Variants in DZIP3 observed in about 807,000 individuals in gnomAD.
DZIP3 encodes the protein E3 ubiquitin-protein ligase DZIP3.
Under a neutral mutation model 162.0 loss-of-function variants are expected in DZIP3, and 118 were observed. The observed-to-expected ratio is 0.73, with a 90% confidence interval of 0.63 to 0.85. The LOEUF is 0.85. DZIP3 is among the 40% of genes least tolerant of loss of function. The probability of loss-of-function intolerance (pLI) is 0.00; values close to 1 mark genes in which losing one functional copy is unlikely to be tolerated. For synonymous variants in DZIP3, 438 were observed against 458.6 expected (o/e 0.96, Z 0.57); for missense variants, 1,331 against 1,407.0 (o/e 0.95, Z 0.86).
At chr3:108,636,043 AAGAATTAAC>A (rs1942133241) in intron 10 of DZIP3, among the ~76,000 whole-genome samples, 2 of 151,916 alleles carry the variant, frequency 1.3e-5, no homozygotes, top group Admixed American at 1.3e-4. Flanking sequence ...GGGTTTTTGT[AAGAATTAAC>A]AGATAAAACA....
At chr3:108,644,944 G>A (rs1559753655) in intron 14 of DZIP3, among the ~76,000 whole-genome samples, 163 bp downstream of exon 14, 1 of 152,106 alleles carries the variant, frequency 6.6e-6, no homozygotes. Flanking sequence ...GATGTTTCCA[G>A]AATACCATGG....
At position 108,644,607 on chromosome 3, in the gene DZIP3, A is replaced by G. The variant is rs186316383; in HGVS notation, c.1585A>G (p.Ile529Val). The change falls in exon 14 of 33, where the codon ATT becomes GTT. Residue 529 changes from isoleucine (I) to valine (V), a missense_variant. Around this residue, in one of 2 missense-constraint regions of DZIP3, gnomAD observed 1,278 missense variants for 1,317.1 expected, o/e 0.97. Coordinates refer to ENST00000361582, the MANE Select transcript of DZIP3 (RefSeq NM_014648.4). The stretch of plus-strand genomic sequence containing the variant: ...TCTCACTGAGTCACAGTTCAATTCA[A>G]TTTGGAAAAAAGTTTCAGATATTCT... ...NGLTESQFNS[I>V]WKKVSDILLR... 8.1e-5 allele frequency: 131 copies of G among 1,614,088 alleles called. No homozygotes were observed. The highest frequency in any genetic ancestry group is 1.1e-4 in the African/African-American group (8 of 75,044).
chr3:108,641,442 C>T (rs1942395148), intron 12 of DZIP3, among the ~76,000 whole-genome samples: 1 of 151,948 alleles, frequency 6.6e-6, no homozygotes, highest in South Asian at 2.1e-4. Flanking sequence ...TTTAATTATT[C>T]TACCATTAAC....
intron 21 of DZIP3, among the ~76,000 whole-genome samples, chr3:108,668,223 CAGTT>C (rs1228816091): frequency 1.3e-5 from 2 of 151,992 alleles, no homozygotes. Context: ...CTACAATAAG[CAGTT>C]AGTAATATGT....
chr3:108,614,984 C>G (rs1940923385), intron 4 of DZIP3, among the ~76,000 whole-genome samples: 1 of 152,146 alleles, frequency 6.6e-6, no homozygotes, highest in South Asian at 2.1e-4. Flanking sequence ...TGGTCTGCTT[C>G]CATTGGAACA....
At chr3:108,674,696 T>C (rs956722048) in intron 24 of DZIP3, among the ~76,000 whole-genome samples, 16 of 151,906 alleles carry the variant, frequency 1.1e-4, no homozygotes, top group African/African-American at 3.9e-4. Flanking sequence ...TAAAGGTAGT[T>C]TTCTGCTGTG....
chr3:108,654,481 A>C, intron 19 of DZIP3, 171 bp downstream of exon 19: 1 of 645,500 alleles, frequency 1.5e-6, no homozygotes, highest in South Asian at 2.0e-5. Flanking sequence ...TAGAATAAGG[A>C]AAAAAAAGAA....
Position 108,642,520 on chromosome 3 carries a change from A to G in DZIP3, c.1141+6A>G. 2.8e-6 allele frequency: 4 copies of G among 1,449,110 alleles called. No homozygotes were observed. The highest frequency in any genetic ancestry group is 1.8e-4 in the Middle Eastern group (1 of 5,408). The allele number at this position is 1,449,110 out of a possible 1,614,324, so 89.8% of individuals were successfully genotyped here. On this transcript the variant is annotated splice_donor_region_variant and intron_variant, in intron 13 of 32. Transcript: ENST00000361582. Reference sequence around the variant, plus strand: ...TTTAAAATTTAATACAAAAGGTATTATTTTATTTTTATATGCCTTCTGTTG... The same window carrying G: ...TTTAAAATTTAATACAAAAGGTATTGTTTTATTTTTATATGCCTTCTGTTG...
At position 108,656,505 on chromosome 3, in the gene DZIP3, A is replaced by G. The variant is rs913168232; in HGVS notation, c.2199+2195A>G. On this transcript the variant is annotated intron_variant, in intron 19 of 32. Coordinates refer to ENST00000361582, the MANE Select transcript of DZIP3 (RefSeq NM_014648.4). ...AAAACCCCATCTGTACGTCATCATC[A>G]TCAAAGACCAAAGGCAGATAAAACC... is the stretch of plus-strand genomic sequence containing the variant. Among the ~76,000 whole-genome samples, 8 of 152,164 alleles carry G rather than the reference A, an allele frequency of 5.3e-5. 1 individual carries two copies. Among genetic ancestry groups the G allele is most frequent in the Admixed American group, 3.9e-4 (6 of 15,282 alleles).
rs375605641 is a variant in DZIP3 at position 108,688,794 on chromosome 3, A to C, written c.3415-29A>C. On this transcript the variant is annotated intron_variant, in intron 30 of 32. Coordinates refer to ENST00000361582, the MANE Select transcript of DZIP3 (RefSeq NM_014648.4). ...TAGATTTGGGAGAAAACAATGAGCTAAATTTAACATTTTCTGTATTTTCCC... is the reference window on the plus strand; with the variant it reads ...TAGATTTGGGAGAAAACAATGAGCTCAATTTAACATTTTCTGTATTTTCCC... 1.9e-6 allele frequency: 3 copies of C among 1,613,920 alleles called. No individual in the cohort carries two copies. In the African/African-American group the frequency reaches 4.0e-5, roughly 22 times the overall value.
chr3:108,610,343 C>G (rs374005362), intron 3 of DZIP3, among the ~76,000 whole-genome samples: 3 of 152,160 alleles, frequency 2.0e-5, no homozygotes, highest in Non-Finnish European at 2.9e-5. Flanking sequence ...TCTGCAAACT[C>G]TTTTCCTTGT....
At position 108,644,438 on chromosome 3, in the gene DZIP3, T is replaced by A; in HGVS notation, c.1416T>A (p.Ala472=). The part of the protein sequence containing the change: ...SKQFDLCLLL[A]LIKHLNVFPA... ...AGTTTGACTTATGCCTCCTGTTAGC[T>A]CTTATAAAACATTTAAATGTGTTCC... Residue 472 remains alanine (A), a synonymous_variant, in exon 14 of 33, where the codon GCT becomes GCA. Coordinates refer to ENST00000361582, the MANE Select transcript of DZIP3 (RefSeq NM_014648.4). 1 of 1,614,016 alleles carries A rather than the reference T, an allele frequency of 6.2e-7. No individual in the cohort carries two copies. The highest frequency in any genetic ancestry group is 8.5e-7 in the Non-Finnish European group (1 of 1,179,972).
intron 1 of DZIP3, among the ~76,000 whole-genome samples, chr3:108,592,632 G>A (rs1400051755): frequency 6.6e-6 from 1 of 151,150 alleles, no homozygotes; most frequent in East Asian, 1.9e-4. Flanking sequence ...GGAAGTCAAG[G>A]CTGCAGTAAG....
At chr3:108,613,723 T>C (rs564527166) in intron 4 of DZIP3, among the ~76,000 whole-genome samples, 1 of 152,266 alleles carries the variant, frequency 6.6e-6, no homozygotes, top group East Asian at 1.9e-4. Flanking sequence ...TTTACAAAAA[T>C]TGGCCATATG....
intron 4 of DZIP3, among the ~76,000 whole-genome samples, chr3:108,614,721 G>A (rs536662779): frequency 9.9e-4 from 151 of 152,230 alleles, no homozygotes; most frequent in African/African-American, 3.1e-3. Context: ...CACTCAATCA[G>A]TAGGTCTTGG....
In DZIP3 at chr3:108,674,096, C is replaced by T. The variant is rs747415552; in HGVS notation, c.2608C>T (p.Arg870Cys). Residue 870 changes from arginine (R) to cysteine (C), a missense_variant, in exon 24 of 33, where the codon CGT becomes TGT. Transcript: ENST00000361582. ...CCTGTAGGTGTATTTCTTACAGTGT[C>T]GTAGGGATTTTGGTTTGCTTCATCT... ...LTAEVYFLQC[R>C]RDFGLLHLEQ... 8.7e-6 allele frequency: 14 copies of T among 1,611,578 alleles called. No individual in the cohort carries two copies. Among genetic ancestry groups the T allele is most frequent in the Admixed American group, 3.3e-5 (2 of 59,780 alleles).
At chr3:108,651,542 C>A (rs1942867654) in intron 18 of DZIP3, among the ~76,000 whole-genome samples, 1 of 151,530 alleles carries the variant, frequency 6.6e-6, no homozygotes, top group Non-Finnish European at 1.5e-5. Flanking sequence ...AGCCTAGGAG[C>A]AGTAGGTTAT....
chr3:108,616,761 A>C, intron 5 of DZIP3, 104 bp downstream of exon 5: 1 of 773,284 alleles, frequency 1.3e-6, no homozygotes, highest in Non-Finnish European at 2.1e-6. Flanking sequence ...GCCAATTTTT[A>C]TTTTTTTCTT....
Position 108,676,217 on chromosome 3 carries a change from G to A in DZIP3, c.2781+344G>A, listed in dbSNP as rs373387749. On this transcript the variant is annotated intron_variant, in intron 25 of 32. Transcript: ENST00000361582. Reference sequence around the variant, plus strand: ...ATAATCCCAGCATTTTGGGAGCCAAGGCGAGAGGATCACTTGAGCCAGGTG... The same window carrying A: ...ATAATCCCAGCATTTTGGGAGCCAAAGCGAGAGGATCACTTGAGCCAGGTG... Among the ~76,000 whole-genome samples the A allele has an allele frequency of 5.9e-5, 9 of 152,064 alleles. No individual in the cohort carries two copies. The South Asian group carries it at 1.0e-3, about 17-fold the overall frequency.
Sources: gnomAD v4.1 joint callset for allele counts (sites outside exome capture counted in the v4.1 genomes callset) on GRCh38, gnomAD v4.1.1 for gene constraint, gnomAD v4.1.1 regional missense constraint, MANE v1.5 for transcripts, NCBI Gene and HGNC (gene_info 2026-07-23, HGNC 2026-07-21) for gene names.